SLIT3: variants seen among roughly 807,000 people sequenced by gnomAD.
The protein encoded by SLIT3 is slit guidance ligand 3.
SLIT3 carries 68 observed loss-of-function variants against 184.0 expected under a neutral mutation model. The ratio of observed to expected loss-of-function variants is 0.37; its 90% CI spans 0.30 to 0.45. The LOEUF (loss-of-function observed/expected upper bound fraction) is 0.45, where lower values mean the gene tolerates loss of function less well. Among genes scored for constraint, SLIT3 ranks in the 20% least tolerant of loss-of-function variants. SLIT3 has a pLI of 1.00. For missense variants in SLIT3, 1,707 were observed against 2,026.0 expected (o/e 0.84, Z 3.02); for synonymous variants, 831 against 828.6 (o/e 1.00, Z -0.05).
At chr5:168,984,759 G>A (rs550496410) in intron 4 of SLIT3, among the ~76,000 whole-genome samples, 134 of 152,276 alleles carry the variant, frequency 8.8e-4, no homozygotes, top group Admixed American at 1.2e-3. Flanking sequence ...TCAGTTAAGT[G>A]TTAAACTGTG....
chr5:169,155,765 A>C (rs899247910), intron 4 of SLIT3, among the ~76,000 whole-genome samples: 2 of 152,222 alleles, frequency 1.3e-5, no homozygotes, highest in Admixed American at 6.5e-5. Context: ...AATTGGCTTT[A>C]TCTTTTCTAA....
chr5:169,044,962 T>G (rs1757578123), intron 4 of SLIT3, among the ~76,000 whole-genome samples: 1 of 152,184 alleles, frequency 6.6e-6, no homozygotes, highest in South Asian at 2.1e-4. Flanking sequence ...CTTCTCTCTC[T>G]GAAGAAGCAG....
rs940895230 is a variant in SLIT3 at position 169,084,526 on chromosome 5, G to A, written c.413+108953C>T. ...GGGGTTTCACCATGTTAGGCTGGTTGGAAACTCCTGACCTCAGGTGATCCA... is the reference window on the plus strand; with the variant it reads ...GGGGTTTCACCATGTTAGGCTGGTTAGAAACTCCTGACCTCAGGTGATCCA... On this transcript the variant is annotated intron_variant, in intron 4 of 35. Transcript: ENST00000519560. Among the ~76,000 whole-genome samples the A allele has an allele frequency of 2.7e-5, 4 of 146,236 alleles. No individual in the cohort carries two copies. The East Asian group carries it at 8.1e-4, about 29-fold the overall frequency.
At chr5:168,923,257 G>A (rs1761701167) in intron 4 of SLIT3, among the ~76,000 whole-genome samples, 1 of 152,064 alleles carries the variant, frequency 6.6e-6, no homozygotes, top group Non-Finnish European at 1.5e-5. Context: ...AACATCCTAC[G>A]AGCCACAGTT....
At chr5:169,193,605 G>A (rs1763635935) in intron 3 of SLIT3, 55 bp from the exon 4 acceptor site, 12 of 1,276,816 alleles carry the variant, frequency 9.4e-6, no homozygotes, top group Non-Finnish European at 1.3e-5. Context: ...CAGATCAAAC[G>A]TATTCAGATA....
rs145905759 is a variant in SLIT3 at position 169,031,052 on chromosome 5, T to C, written c.414-147716A>G. On this transcript the variant is annotated intron_variant, in intron 4 of 35. Transcript: ENST00000519560. ...TAGCAACTTAGAAGCCCCTGACAGGTCCTCATTTCCTGTCTTGAGTATCCA... is the reference window on the plus strand; with the variant it reads ...TAGCAACTTAGAAGCCCCTGACAGGCCCTCATTTCCTGTCTTGAGTATCCA... Among the ~76,000 whole-genome samples the C allele has an allele frequency of 2.1e-4, 32 of 152,294 alleles. 1 individual carries two copies. The East Asian group carries it at 6.0e-3, about 29-fold the overall frequency.
intron 4 of SLIT3, among the ~76,000 whole-genome samples, chr5:168,991,940 C>T (rs1474957229): frequency 6.6e-6 from 1 of 152,210 alleles, no homozygotes; most frequent in East Asian, 1.9e-4. Context: ...CCGGAGAGGC[C>T]CCCTGACTGG....
intron 4 of SLIT3, among the ~76,000 whole-genome samples, chr5:169,013,954 A>G (rs1331581683): frequency 6.6e-6 from 1 of 152,138 alleles, no homozygotes; most frequent in East Asian, 1.9e-4. Flanking sequence ...TGTTCATGCT[A>G]TAGTTCCTGT....
At chr5:169,101,719 G>A (rs1561665569) in intron 4 of SLIT3, among the ~76,000 whole-genome samples, 2 of 152,082 alleles carry the variant, frequency 1.3e-5, no homozygotes, top group Admixed American at 1.3e-4. Context: ...CCCCTCTCTG[G>A]TCTCATTATC....
intron 4 of SLIT3, among the ~76,000 whole-genome samples, chr5:169,075,494 G>A (rs1480288084): frequency 6.6e-6 from 1 of 152,182 alleles, no homozygotes; most frequent in Non-Finnish European, 1.5e-5. Flanking sequence ...AAGGCATTTT[G>A]TTAAGAAACA....
intron 9 of SLIT3, among the ~76,000 whole-genome samples, chr5:168,796,617 G>A (rs1756573295): frequency 6.6e-6 from 1 of 152,134 alleles, no homozygotes; most frequent in Admixed American, 6.5e-5. Flanking sequence ...GAGCAAAAGG[G>A]GTAGATGGGA....
At chr5:169,059,690 T>C (rs1758116636) in intron 4 of SLIT3, among the ~76,000 whole-genome samples, 1 of 152,220 alleles carries the variant, frequency 6.6e-6, no homozygotes, top group African/African-American at 2.4e-5. Flanking sequence ...AATGTCTGAC[T>C]TGGCTTAAAA....
intron 4 of SLIT3, among the ~76,000 whole-genome samples, chr5:168,988,869 C>A (rs1755222324): frequency 6.6e-6 from 1 of 152,170 alleles, no homozygotes; most frequent in Non-Finnish European, 1.5e-5. Context: ...CTCCTGGGAT[C>A]TCCTTGGCAC....
At chr5:169,155,542 G>A (rs1297043191) in intron 4 of SLIT3, among the ~76,000 whole-genome samples, 3 of 152,202 alleles carry the variant, frequency 2.0e-5, no homozygotes, top group Non-Finnish European at 4.4e-5. Context: ...GTAGATACAA[G>A]GCTGGGACTG....
At chr5:169,103,824 G>A (rs1349655051) in intron 4 of SLIT3, among the ~76,000 whole-genome samples, 6 of 147,754 alleles carry the variant, frequency 4.1e-5, no homozygotes, top group Non-Finnish European at 6.0e-5. Context: ...TTCAGCTCCC[G>A]ACCTCGTCTC....
At chr5:168,784,000 T>C (rs1412347763) in intron 12 of SLIT3, among the ~76,000 whole-genome samples, 1 of 152,232 alleles carries the variant, frequency 6.6e-6, no homozygotes, top group African/African-American at 2.4e-5. Context: ...AGCTTGGAGC[T>C]GAGATACACA....
intron 4 of SLIT3, among the ~76,000 whole-genome samples, chr5:169,014,494 TAGAC>T (rs1312914322): frequency 6.6e-6 from 1 of 152,132 alleles, no homozygotes; most frequent in East Asian, 1.9e-4. Flanking sequence ...AGGATAGACT[TAGAC>T]AGGTCAAGAC....
intron 5 of SLIT3, among the ~76,000 whole-genome samples, chr5:168,847,773 G>T (rs1758525599): frequency 6.6e-6 from 1 of 152,172 alleles, no homozygotes; most frequent in South Asian, 2.1e-4. Context: ...TTCCGAAGCT[G>T]AGGCCAAAAC....
Position 168,798,220 on chromosome 5 carries a change from C to CTTTTTTTTTTTTTTTTTTTTTTTT in SLIT3, c.936-2643_936-2642insAAAAAAAAAAAAAAAAAAAAAAAA, listed in dbSNP as rs575178855. ...CTTTTGGTTTTCTTTTCTTCTTCTT[C>CTTTTTTTTTTTTTTTTTTTTTTTT]TTCTTTTTTTTTTTTTTTTAAGAGA... is the stretch of plus-strand genomic sequence containing the variant. On this transcript the variant is annotated intron_variant, in intron 9 of 35. Transcript: ENST00000519560. Among the ~76,000 whole-genome samples, 47 of 112,248 alleles carry CTTTTTTTTTTTTTTTTTTTTTTTT rather than the reference C, an allele frequency of 4.2e-4. 4 individuals are homozygous for CTTTTTTTTTTTTTTTTTTTTTTTT. The highest frequency in any genetic ancestry group is 1.5e-3 in the African/African-American group (37 of 24,092). 73.6% of individuals were successfully genotyped at this position (112,248 alleles called of 152,430 possible). A position where few individuals can be genotyped will look rare whatever the true frequency, so the allele number is the denominator to read the frequency against.
Sources: allele counts gnomAD v4.1 joint callset (sites outside exome capture counted in the v4.1 genomes callset), GRCh38; gene constraint gnomAD v4.1.1; transcripts MANE v1.5; gene names NCBI Gene and HGNC (gene_info 2026-07-23, HGNC 2026-07-21).